Variants in NPTX1 observed in about 807,000 individuals in gnomAD.
NPTX1 encodes the protein neuronal pentraxin-1.
A neutral mutation model predicts 38.7 loss-of-function variants in NPTX1; 12 were observed. The ratio of observed to expected loss-of-function variants is 0.31; its 90% CI spans 0.20 to 0.50. NPTX1 has a LOEUF of 0.50. Among genes scored for constraint, NPTX1 ranks in the 20% least tolerant of loss-of-function variants. The pLI, the probability that NPTX1 is intolerant of heterozygous loss-of-function variation, is 0.98. For missense variants in NPTX1, 454 were observed against 592.2 expected (o/e 0.77, Z 2.42); for synonymous variants, 272 against 264.9 (o/e 1.03, Z -0.26).
chr17:80,475,498 C>T lies in NPTX1; in HGVS notation c.652+13G>A. 6.2e-7 allele frequency: 1 copy of T among 1,606,896 alleles called. No individual in the cohort carries two copies. The highest frequency in any genetic ancestry group is 8.5e-7 in the Non-Finnish European group (1 of 1,177,320). ...GTGCAGGCAGGCAGCACGGCTCCCC[C>T]TGGCCCCAGTACCTTTCTCGAGCTC... On this transcript the variant is annotated intron_variant, in intron 2 of 4. Transcript: ENST00000306773. The surrounding 1 kb of genome is among the most constrained non-coding windows in gnomAD (Gnocchi z 6.5).
chr17:80,475,790 C>A lies in NPTX1; in HGVS notation c.445-72G>T. 1 of 1,267,554 alleles carries A rather than the reference C, an allele frequency of 7.9e-7. No individual in the cohort carries two copies. Among genetic ancestry groups the A allele is most frequent in the South Asian group, 1.3e-5 (1 of 76,642 alleles). The allele number at this position is 1,267,554 out of a possible 1,614,324, so 78.5% of individuals were successfully genotyped here. ...GGGGACCGTGCTGGAAGGCCCGCGG[C>A]GCGGTCCCCTCTGGGCGACTGCGGG... On this transcript the variant is annotated intron_variant, in intron 1 of 4. Transcript: ENST00000306773. The surrounding 1 kb of genome is among the most constrained non-coding windows in gnomAD (Gnocchi z 6.5).
chr17:80,466,899 G>GAAAAAAAAA lies in NPTX1; in HGVS notation c.*3905_*3913dup, dbSNP rs57945494. On this transcript the variant is annotated 3_prime_UTR_variant, in exon 5 of 5. Coordinates refer to ENST00000306773, the MANE Select transcript of NPTX1 (RefSeq NM_002522.4). ...ATTCATGTCATTTCAGCAAGAAAAT[G>GAAAAAAAAA]AAAAAAAAAAAAAAAGCAAGAATAC... is the stretch of plus-strand genomic sequence containing the variant. 7.6e-6 allele frequency among the ~76,000 whole-genome samples: 1 copy of GAAAAAAAAA among 132,268 alleles called. No individual in the cohort carries two copies. The highest frequency in any genetic ancestry group is 2.9e-5 in the African/African-American group (1 of 34,758). The allele number at this position is 132,268 out of a possible 152,430, so 86.8% of individuals were successfully genotyped here. A position where few individuals can be genotyped will look rare whatever the true frequency, so the allele number is the denominator to read the frequency against.
rs202234399 is a variant in NPTX1, at chr17:80,476,142, G to T, written c.305C>A (p.Ala102Asp). ...QSTLDPGAGE[A>D]RAGGGRKQPG... ...CTGCTTGCGGCCGCCGCCCGCCCGG[G>T]CCTCGCCGGCTCCGGGGTCCAGCGT... Residue 102 changes from alanine (A) to aspartate (D), a missense_variant, in exon 1 of 5, where the codon GCC becomes GAC. By Grantham distance (126) the Ala-to-Asp change is moderately radical. This residue lies in a region of NPTX1 where 288 missense variants were observed against 318.4 expected (regional missense o/e 0.90). Coordinates refer to ENST00000306773, the MANE Select transcript of NPTX1 (RefSeq NM_002522.4). The surrounding 1 kb of genome is among the most constrained non-coding windows in gnomAD (Gnocchi z 6.3). 2 of 1,596,886 alleles carry T rather than the reference G, an allele frequency of 1.3e-6. No individual in the cohort carries two copies. The highest frequency in any genetic ancestry group is 2.2e-5 in the South Asian group (2 of 90,578).
chr17:80,471,594 C>G, intron 4 of NPTX1, 138 bp downstream of exon 4: 1 of 1,392,154 alleles, frequency 7.2e-7, no homozygotes, highest in Non-Finnish European at 9.5e-7. Flanking sequence ...GGGCACAGGC[C>G]TTGCCCAGCC....
At position 80,471,882 on chromosome 17, in the gene NPTX1, A is replaced by G; in HGVS notation, c.927T>C (p.Asp309=). The G allele has an allele frequency of 6.2e-7, 1 of 1,613,398 alleles. No individual in the cohort carries two copies. Among genetic ancestry groups the G allele is most frequent in the Non-Finnish European group, 8.5e-7 (1 of 1,179,830 alleles). ...TGACACAGATGTGGTGCCACTTGCC[A>G]TCATTGATGACAAAAGGCAACTTGG... ...KVAKLPFVIN[D]GKWHHICVTW... Residue 309 remains aspartate, a synonymous_variant, in exon 4 of 5, where the codon GAT becomes GAC. Transcript: ENST00000306773.
At position 80,471,956 on chromosome 17, in the gene NPTX1, C is replaced by T. The variant is rs371609758; in HGVS notation, c.898-45G>A. The stretch of plus-strand genomic sequence containing the variant: ...ACGCCAGCTGGTGAGTACAGGGGTA[C>T]AGCCCAGAAGCCATAATCTTCACTG... On this transcript the variant is annotated intron_variant, in intron 3 of 4. Coordinates refer to ENST00000306773, the MANE Select transcript of NPTX1 (RefSeq NM_002522.4). 8 of 1,543,118 alleles carry T rather than the reference C, an allele frequency of 5.2e-6. No individual in the cohort carries two copies. The African/African-American group carries it at 9.6e-5, about 18-fold the overall frequency.
chr17:80,474,614 C>G lies in NPTX1; in HGVS notation c.652+897G>C, dbSNP rs1257162702. ...CAGTGGGGGATAGGGAGGGGCCCAG[C>G]CCCTGGCCTTTCTCCGGGTGTTTTT... On this transcript the variant is annotated intron_variant, in intron 2 of 4. Transcript: ENST00000306773. 2.6e-5 allele frequency: 4 copies of G among 152,528 alleles called. No individual in the cohort carries two copies. The East Asian group carries it at 5.8e-4, about 22-fold the overall frequency. 9.4% of individuals were successfully genotyped at this position (152,528 alleles called of 1,614,324 possible).
intron 4 of NPTX1, 35 bp downstream of exon 4, chr17:80,471,697 C>A: frequency 6.3e-7 from 1 of 1,583,150 alleles, no homozygotes; most frequent in Non-Finnish European, 8.6e-7. Context: ...GGTTCTGAAG[C>A]TCTCTCCCCT....
chr17:80,472,663 T>C (rs1430100039), intron 3 of NPTX1, among the ~76,000 whole-genome samples: 1 of 152,218 alleles, frequency 6.6e-6, no homozygotes, highest in African/African-American at 2.4e-5. Flanking sequence ...GTTTGAAAGC[T>C]GGCAGCTAGT....
In NPTX1 at chr17:80,470,781, A is replaced by AGGGC. The variant is rs1599505648; in HGVS notation, c.*28_*31dup. The AGGGC allele has an allele frequency of 9.7e-6, 14 of 1,440,444 alleles. No homozygotes were observed. The highest frequency in any genetic ancestry group is 1.2e-5 in the Non-Finnish European group (13 of 1,041,994). The allele number at this position is 1,440,444 out of a possible 1,614,324, so 89.2% of individuals were successfully genotyped here. ...ATCATCGCCGCACAAGCAGGGGGCG[A>AGGGC]GGGCGGGCGGGCTCAGCCTGGCCTG... On this transcript the variant is annotated 3_prime_UTR_variant, in exon 5 of 5. Coordinates refer to ENST00000306773, the MANE Select transcript of NPTX1 (RefSeq NM_002522.4).
Position 80,470,706 on chromosome 17 carries a change from G to C in NPTX1, c.*107C>G. 1.3e-6 allele frequency: 1 copy of C among 796,022 alleles called. No homozygotes were observed. The highest frequency in any genetic ancestry group is 2.5e-5 in the Admixed American group (1 of 40,262). 49.3% of individuals were successfully genotyped at this position (796,022 alleles called of 1,614,324 possible). A position where few individuals can be genotyped will look rare whatever the true frequency, so the allele number is the denominator to read the frequency against. On this transcript the variant is annotated 3_prime_UTR_variant, in exon 5 of 5. Transcript: ENST00000306773. ...GTGCGTGTGCGTGTGCAGGGGCGAC[G>C]GCCTCGGTTCATTCCTGGGGAAAAG... is the stretch of plus-strand genomic sequence containing the variant.
rs2083878994 is a variant in NPTX1, at chr17:80,475,957, G to A, written c.444+46C>T. 1.3e-6 allele frequency: 2 copies of A among 1,499,838 alleles called. No homozygotes were observed. The highest frequency in any genetic ancestry group is 9.2e-7 in the Non-Finnish European group (1 of 1,086,250). 92.9% of individuals were successfully genotyped at this position (1,499,838 alleles called of 1,614,324 possible). ...GGAACGGGGTGGGGGAGGGCAGAGG[G>A]GCGAGCGAGCCGGAGGGGGAACCGG... On this transcript the variant is annotated intron_variant, in intron 1 of 4. Transcript: ENST00000306773. The surrounding 1 kb of genome is among the most constrained non-coding windows in gnomAD (Gnocchi z 6.5).
chr17:80,476,222 C>T lies in NPTX1; in HGVS notation c.225G>A (p.Gln75=). 1 of 1,574,192 alleles carries T rather than the reference C, an allele frequency of 6.4e-7. No homozygotes were observed. Among genetic ancestry groups the T allele is most frequent in the Non-Finnish European group, 8.6e-7 (1 of 1,167,010 alleles). The change falls in exon 1 of 5, where the codon CAG becomes CAA. Residue 75 remains glutamine (Q), a synonymous_variant. Coordinates refer to ENST00000306773, the MANE Select transcript of NPTX1 (RefSeq NM_002522.4). This position sits in a 1 kb window ranked among gnomAD's most constrained non-coding sequence, Gnocchi z 6.3. ...CGGTCAGCTCGCGGATGGTCTCCTT[C>T]TGGCTCAGGATGGTCTCCTTCTGCT... ...VLQQKETILS[Q]KETIRELTAK...
At position 80,469,138 on chromosome 17, in the gene NPTX1, C is replaced by T. The variant is rs1355376655; in HGVS notation, c.*1675G>A. On this transcript the variant is annotated 3_prime_UTR_variant, in exon 5 of 5. Coordinates refer to ENST00000306773, the MANE Select transcript of NPTX1 (RefSeq NM_002522.4). ...GACCTGTGTTTAAGGGGACAGGTGG[C>T]CCTAGAAGGAACAGAAGACAGAAAC... The T allele has an allele frequency of 1.3e-5, 2 of 152,490 alleles. No homozygotes were observed. The highest frequency in any genetic ancestry group is 1.3e-4 in the Admixed American group (2 of 15,284). The allele number at this position is 152,490 out of a possible 1,614,324, so 9.4% of individuals were successfully genotyped here.
At chr17:80,474,815 C>A (rs1281786488) in intron 2 of NPTX1, 1 of 149,074 alleles carries the variant, frequency 6.7e-6, no homozygotes, top group Non-Finnish European at 1.5e-5. Flanking sequence ...CCCCCCTCCC[C>A]TTTTACAACC....
rs779903158 is a variant in NPTX1, at chr17:80,470,817, T to C, written c.1295A>G (p.Asn432Ser). ...GCTCAGCCTGGCCTGCCGTGCTCAG[T>C]TGATCTGGCGACAGGCCTCGAAGGT... is the stretch of plus-strand genomic sequence containing the variant. ...KWTFEACRQI[N>S] Residue 432 changes from asparagine to serine, a missense_variant, in exon 5 of 5, where the codon AAC (asparagine) becomes AGC (serine). Transcript: ENST00000306773. The C allele has an allele frequency of 1.9e-5, 30 of 1,587,058 alleles. No homozygotes were observed. The highest frequency in any genetic ancestry group is 2.3e-5 in the East Asian group (1 of 44,280).
In NPTX1 at chr17:80,475,896, G is replaced by A; in HGVS notation, c.444+107C>T. The A allele has an allele frequency of 2.0e-6, 2 of 996,240 alleles. No homozygotes were observed. The highest frequency in any genetic ancestry group is 2.8e-6 in the Non-Finnish European group (2 of 721,432). The allele number at this position is 996,240 out of a possible 1,614,324, so 61.7% of individuals were successfully genotyped here. On this transcript the variant is annotated intron_variant, in intron 1 of 4. Transcript: ENST00000306773. The surrounding 1 kb of genome is among the most constrained non-coding windows in gnomAD (Gnocchi z 6.5). Reference sequence around the variant, plus strand: ...GGAGGCACCGGCCGGGCACCCGCGCGGCTGAGGCGAGGGCGGGGGATGCCT... The same window carrying A: ...GGAGGCACCGGCCGGGCACCCGCGCAGCTGAGGCGAGGGCGGGGGATGCCT...
rs1379433591 is a variant in NPTX1, at chr17:80,475,923, G to C, written c.444+80C>G. 1 of 1,241,652 alleles carries C rather than the reference G, an allele frequency of 8.1e-7. No homozygotes were observed. The highest frequency in any genetic ancestry group is 2.2e-5 in the Admixed American group (1 of 46,076). The allele number at this position is 1,241,652 out of a possible 1,614,324, so 76.9% of individuals were successfully genotyped here. A position where few individuals can be genotyped will look rare whatever the true frequency, so the allele number is the denominator to read the frequency against. On this transcript the variant is annotated intron_variant, in intron 1 of 4. Coordinates refer to ENST00000306773, the MANE Select transcript of NPTX1 (RefSeq NM_002522.4). This position sits in a 1 kb window ranked among gnomAD's most constrained non-coding sequence, Gnocchi z 6.5. ...CTGAGGCGAGGGCGGGGGATGCCTGGCCGGGTAGGGAACGGGGTGGGGGAG... is the reference window on the plus strand; with the variant it reads ...CTGAGGCGAGGGCGGGGGATGCCTGCCCGGGTAGGGAACGGGGTGGGGGAG...
chr17:80,470,098 TG>T lies in NPTX1; in HGVS notation c.*714del, dbSNP rs2083830720. ...AGCAGGGATGGATGCTGTCTGGCCC[TG>T]GGGTAAGGGCCAGTGTCCTCAGCCA... On this transcript the variant is annotated 3_prime_UTR_variant, in exon 5 of 5. Coordinates refer to ENST00000306773, the MANE Select transcript of NPTX1 (RefSeq NM_002522.4). The T allele has an allele frequency of 6.6e-6, 1 of 152,230 alleles. No homozygotes were observed. The highest frequency in any genetic ancestry group is 2.1e-4 in the South Asian group (1 of 4,834). The allele number at this position is 152,230 out of a possible 1,614,324, so 9.4% of individuals were successfully genotyped here. A position where few individuals can be genotyped will look rare whatever the true frequency, so the allele number is the denominator to read the frequency against.
Sources: gnomAD v4.1 joint callset for allele counts (sites outside exome capture counted in the v4.1 genomes callset) on GRCh38, gnomAD v4.1.1 for gene constraint, gnomAD v4.1.1 regional missense constraint, Gnocchi (gnomAD v3.1) non-coding constraint, MANE v1.5 for transcripts, NCBI Gene and HGNC (gene_info 2026-07-23, HGNC 2026-07-21) for gene names.